The following NUP88 variants were observed in gnomAD, a reference collection of about 807,000 sequenced individuals.
NUP88 encodes the protein nuclear pore complex protein Nup88.
Under a neutral mutation model 93.9 loss-of-function variants are expected in NUP88, and 57 were observed. The ratio of observed to expected loss-of-function variants is 0.61; its 90% CI spans 0.49 to 0.76. NUP88 has a LOEUF of 0.76. Among genes scored for constraint, NUP88 ranks in the 30% least tolerant of loss-of-function variants. NUP88 has a pLI of 0.00. For missense variants in NUP88, 911 were observed against 901.0 expected (o/e 1.01, Z -0.14); for synonymous variants, 346 against 336.8 (o/e 1.03, Z -0.30).
At chr17:5,391,409 G>T in intron 10 of NUP88, 152 bp downstream of exon 10, 1 of 618,214 alleles carries the variant, frequency 1.6e-6, no homozygotes. Context: ...ATGATGGCAG[G>T]AACAGAAATA....
rs1321704648 is a variant in NUP88 at position 5,404,098 on chromosome 17, C to T, written c.1192+1G>A. 2 of 1,613,820 alleles carry T rather than the reference C, an allele frequency of 1.2e-6. No individual in the cohort carries two copies. Among genetic ancestry groups the T allele is most frequent in the Non-Finnish European group, 8.5e-7 (1 of 1,179,810 alleles). Reference sequence around the variant, plus strand: ...AGCACTACATTTATTGAAGAGCTTACCTCTATGAAGTTTGACTGGACAAGA... The same window carrying T: ...AGCACTACATTTATTGAAGAGCTTATCTCTATGAAGTTTGACTGGACAAGA... On this transcript the variant is annotated splice_donor_variant, in intron 7 of 16. Coordinates refer to ENST00000573584, the MANE Select transcript of NUP88 (RefSeq NM_002532.6). LOFTEE classifies it high-confidence loss of function.
intron 5 of NUP88, among the ~76,000 whole-genome samples, chr17:5,408,422 C>T (rs2285746): frequency 0.44 from 66,482 of 152,072 alleles, 15,303 homozygotes; most frequent in East Asian, 0.84. Context: ...CAGATTACCA[C>T]GCCTACGTGG....
chr17:5,404,032 A>G, intron 7 of NUP88, 67 bp downstream of exon 7: 1 of 1,468,376 alleles, frequency 6.8e-7, no homozygotes, highest in Admixed American at 1.9e-5. Flanking sequence ...ATTACATAGG[A>G]ACAGTCTATG....
chr17:5,386,029 C>G lies in NUP88; in HGVS notation c.*177G>C. The G allele has an allele frequency of 1.8e-6, 1 of 553,958 alleles. No individual in the cohort carries two copies. The highest frequency in any genetic ancestry group is 3.2e-6 in the Non-Finnish European group (1 of 317,456). 34.3% of individuals were successfully genotyped at this position (553,958 alleles called of 1,614,324 possible). A position where few individuals can be genotyped will look rare whatever the true frequency, so the allele number is the denominator to read the frequency against. ...TAGGCTTGAGTTATAAAGCACATTCCAAATTTTAAATAAAAGCATTTACTC... is the reference window on the plus strand; with the variant it reads ...TAGGCTTGAGTTATAAAGCACATTCGAAATTTTAAATAAAAGCATTTACTC... On this transcript the variant is annotated 3_prime_UTR_variant, in exon 17 of 17. Coordinates refer to ENST00000573584, the MANE Select transcript of NUP88 (RefSeq NM_002532.6).
chr17:5,404,988 G>T, intron 6 of NUP88, 69 bp downstream of exon 6: 1 of 1,257,194 alleles, frequency 8.0e-7, no homozygotes, highest in Non-Finnish European at 1.1e-6. Flanking sequence ...CATATATTAA[G>T]CATTCATATT....
chr17:5,398,465 T>G (rs1004149356), intron 8 of NUP88, among the ~76,000 whole-genome samples: 1 of 152,088 alleles, frequency 6.6e-6, no homozygotes, highest in African/African-American at 2.4e-5. Context: ...ATTTTTGTAT[T>G]TTTAGTAGAG....
At chr17:5,412,039 C>T (rs1398991463) in intron 3 of NUP88, among the ~76,000 whole-genome samples, 1 of 152,174 alleles carries the variant, frequency 6.6e-6, no homozygotes, top group East Asian at 1.9e-4. Context: ...TTTCCTTTTG[C>T]TCTGAAACTG....
intron 7 of NUP88, among the ~76,000 whole-genome samples, chr17:5,400,933 T>C (rs183263892): frequency 1.3e-5 from 2 of 152,334 alleles, no homozygotes; most frequent in East Asian, 3.9e-4. Flanking sequence ...TGTTATACAA[T>C]TTTAATTAAC....
intron 1 of NUP88, among the ~76,000 whole-genome samples, chr17:5,417,555 G>A (rs976216137): frequency 6.6e-6 from 1 of 152,228 alleles, no homozygotes; most frequent in Non-Finnish European, 1.5e-5. Flanking sequence ...AAAGAAGACA[G>A]AGGCAGAGTG....
chr17:5,405,239 C>T lies in NUP88; in HGVS notation c.862G>A (p.Gly288Arg). The T allele has an allele frequency of 1.2e-6, 2 of 1,612,660 alleles. No individual in the cohort carries two copies. Among genetic ancestry groups the T allele is most frequent in the Non-Finnish European group, 1.7e-6 (2 of 1,179,198 alleles). Residue 288 changes from glycine to arginine, a missense_variant, in exon 6 of 17, where the codon GGA becomes AGA. Gly to Arg is a moderately radical substitution (Grantham distance 125, BLOSUM62 -2). Coordinates refer to ENST00000573584, the MANE Select transcript of NUP88 (RefSeq NM_002532.6). ...LTYISLLHSPGNIGKLLGPLP... is the reference protein window; with the variant it reads ...LTYISLLHSPRNIGKLLGPLP... ...GGACCCAACAGCTTTCCAATATTTCCAGGGCTAAAGAAGGAGTAAAAACAT... is the reference window on the plus strand; with the variant it reads ...GGACCCAACAGCTTTCCAATATTTCTAGGGCTAAAGAAGGAGTAAAAACAT...
rs1277179811 is a variant in NUP88 at position 5,411,597 on chromosome 17, AC to A, written c.594-809del. 6.1e-5 allele frequency among the ~76,000 whole-genome samples: 9 copies of A among 147,228 alleles called. No individual in the cohort carries two copies. In the East Asian group the frequency reaches 1.2e-3, roughly 20 times the overall value. On this transcript the variant is annotated intron_variant, in intron 3 of 16. Transcript: ENST00000573584. ...CTCCATTTCAAAAAAAAAAAAAAAAACCAAACAAACAAACCCAGTATCGTAT... is the reference window on the plus strand; with the variant it reads ...CTCCATTTCAAAAAAAAAAAAAAAAACAAACAAACAAACCCAGTATCGTAT...
chr17:5,403,989 A>G (rs1913328867), intron 7 of NUP88, 110 bp downstream of exon 7: 1 of 1,182,240 alleles, frequency 8.5e-7, no homozygotes, highest in African/African-American at 1.5e-5. Flanking sequence ...AACCCAGTCA[A>G]CTTTTTAAAG....
At position 5,405,066 on chromosome 17, in the gene NUP88, ATCT is replaced by A. The variant is rs1913416485; in HGVS notation, c.1032_1034del (p.Glu344del). 9.9e-6 allele frequency: 16 copies of A among 1,613,722 alleles called. No individual in the cohort carries two copies. Among genetic ancestry groups the A allele is most frequent in the South Asian group, 2.2e-5 (2 of 90,972 alleles). Reference sequence around the variant, plus strand: ...AGCAGCCTGCACTTACCGTGTGGTCATCTTCTTCTTCCCCTTCTAGCACGACAC... The same window carrying A: ...AGCAGCCTGCACTTACCGTGTGGTCATCTTCTTCCCCTTCTAGCACGACAC... On this transcript the variant is annotated inframe_deletion, in exon 6 of 17. Transcript: ENST00000573584.
At chr17:5,400,543 T>C (rs984943695) in intron 7 of NUP88, among the ~76,000 whole-genome samples, 11 of 146,498 alleles carry the variant, frequency 7.5e-5, no homozygotes, top group African/African-American at 2.5e-4. Flanking sequence ...ATTTTCTAAA[T>C]ATGAACACAA....
At chr17:5,387,749 T>C (rs1253672254) in intron 12 of NUP88, 30 bp downstream of exon 12, 17 of 1,610,270 alleles carry the variant, frequency 1.1e-5, no homozygotes, top group Middle Eastern at 1.7e-4. Context: ...CAGCCAGGGA[T>C]CGATGGTTTG....
intron 16 of NUP88, 113 bp downstream of exon 16, chr17:5,386,595 T>G (rs755278687): frequency 1.0e-5 from 8 of 781,638 alleles, no homozygotes; most frequent in African/African-American, 1.7e-5. Context: ...ATCCCAGTAA[T>G]TACTTGACAT....
In NUP88 at chr17:5,419,573, C is replaced by A; in HGVS notation, c.78G>T (p.Arg26=). 6.2e-7 allele frequency: 1 copy of A among 1,610,268 alleles called. No homozygotes were observed. The highest frequency in any genetic ancestry group is 8.5e-7 in the Non-Finnish European group (1 of 1,177,404). ...TWLPNHVVFL[R]LREGLKNQSP... is the part of the protein sequence containing the mutation. ...TCTGGTTTTTCAGTCCCTCCCGGAG[C>A]CGCAAGAACACGACGTGGTTAGGAA... Residue 26 remains arginine (R), a synonymous_variant, in exon 1 of 17, where the codon CGG becomes CGT. Coordinates refer to ENST00000573584, the MANE Select transcript of NUP88 (RefSeq NM_002532.6).
intron 3 of NUP88, among the ~76,000 whole-genome samples, chr17:5,412,431 A>G (rs1445238791): frequency 6.6e-6 from 1 of 152,188 alleles, no homozygotes; most frequent in Non-Finnish European, 1.5e-5. Flanking sequence ...TCTCAGTTAT[A>G]AGATCGAAAA....
chr17:5,388,027 G>GCC (rs1912151126), intron 11 of NUP88, 123 bp from the exon 12 acceptor site: 1 of 972,108 alleles, frequency 1.0e-6, no homozygotes, highest in African/African-American at 1.6e-5. Context: ...TTGAGATGCA[G>GCC]TCTCGCTCTG....
Sources: allele counts gnomAD v4.1 joint callset (sites outside exome capture counted in the v4.1 genomes callset), GRCh38; gene constraint gnomAD v4.1.1; transcripts MANE v1.5; gene names NCBI Gene and HGNC (gene_info 2026-07-23, HGNC 2026-07-21).